CLOCK: variants seen among roughly 807,000 people sequenced by gnomAD.
CLOCK encodes the protein clock circadian regulator, also known as circadian locomoter output cycles protein kaput.
CLOCK carries 43 observed loss-of-function variants against 118.4 expected under a neutral mutation model. The ratio of observed to expected loss-of-function variants is 0.36; its 90% CI spans 0.28 to 0.47. The LOEUF is 0.47. CLOCK is among the 20% of genes least tolerant of loss of function. The pLI, the probability that CLOCK is intolerant of heterozygous loss-of-function variation, is 1.00. For synonymous variants in CLOCK, 326 were observed against 339.2 expected (o/e 0.96, Z 0.43); for missense variants, 846 against 999.9 (o/e 0.85, Z 2.08).
intron 3 of CLOCK, 126 bp downstream of exon 3, chr4:55,489,248 T>TTTTTTAAATTTTA (rs1459518340): frequency 6.6e-6 from 1 of 152,230 alleles, no homozygotes; most frequent in Non-Finnish European, 1.5e-5. Flanking sequence ...GGTGGTAAAT[T>TTTTTTAAATTTTA]AACACACAAA....
chr4:55,502,279 C>G (rs1728494278), intron 2 of CLOCK, among the ~76,000 whole-genome samples: 1 of 152,106 alleles, frequency 6.6e-6, no homozygotes, highest in African/African-American at 2.4e-5. Context: ...CAAGGTAATT[C>G]TGAAGAACAA....
chr4:55,530,685 G>C (rs980275849), intron 1 of CLOCK, among the ~76,000 whole-genome samples: 12 of 140,464 alleles, frequency 8.5e-5, no homozygotes, highest in Non-Finnish European at 1.7e-4. Context: ...TGAAGCAGAA[G>C]AATCAGCTGA....
Position 55,434,446 on chromosome 4 carries a change from T to C in CLOCK, c.*969A>G, listed in dbSNP as rs1722729340. ...CCATTTACGCAAATATTTCCAACTATGAACTATAACAAAATATGCAATCAA... is the reference window on the plus strand; with the variant it reads ...CCATTTACGCAAATATTTCCAACTACGAACTATAACAAAATATGCAATCAA... On this transcript the variant is annotated 3_prime_UTR_variant, in exon 23 of 23. Transcript: ENST00000513440. The C allele has an allele frequency of 6.6e-6, 1 of 152,614 alleles. No individual in the cohort carries two copies. The highest frequency in any genetic ancestry group is 2.4e-5 in the African/African-American group (1 of 41,456). The allele number at this position is 152,614 out of a possible 1,614,324, so 9.5% of individuals were successfully genotyped here. A position where few individuals can be genotyped will look rare whatever the true frequency, so the allele number is the denominator to read the frequency against.
intron 18 of CLOCK, among the ~76,000 whole-genome samples, chr4:55,445,141 G>A (rs1252621632): frequency 1.5e-5 from 1 of 68,198 alleles, no homozygotes; most frequent in Non-Finnish European, 3.6e-5. Flanking sequence ...CATATGATAT[G>A]GTCTGGTTAT....
chr4:55,435,649 T>C (rs1560409518), intron 22 of CLOCK, 55 bp from the exon 23 acceptor site: 7 of 1,559,146 alleles, frequency 4.5e-6, no homozygotes, highest in Non-Finnish European at 6.2e-6. Flanking sequence ...GGCACCCACA[T>C]AATAGTTACT....
Position 55,453,840 on chromosome 4 carries a change from A to G in CLOCK, c.983-16T>C. The G allele has an allele frequency of 6.4e-6, 10 of 1,562,468 alleles. No individual in the cohort carries two copies. Among genetic ancestry groups the G allele is most frequent in the Non-Finnish European group, 8.8e-6 (10 of 1,142,794 alleles). ...TATTGCATTACTAAAAGGAAAATAG[A>G]GAAATATTTTTTCTTTAATTCATAT... On this transcript the variant is annotated splice_polypyrimidine_tract_variant and intron_variant, in intron 13 of 22. Transcript: ENST00000513440.
chr4:55,468,490 C>T (rs1272709137), intron 8 of CLOCK, among the ~76,000 whole-genome samples: 1 of 152,126 alleles, frequency 6.6e-6, no homozygotes, highest in Non-Finnish European at 1.5e-5. Flanking sequence ...ACAAAATATA[C>T]TTTTCTAATT....
intron 1 of CLOCK, among the ~76,000 whole-genome samples, chr4:55,534,756 C>CTAATGGTGCTT (rs763079686): frequency 7.5e-6 from 1 of 134,176 alleles, no homozygotes. Flanking sequence ...TAAAGGTATA[C>CTAATGGTGCTT]TAAAAGACTT....
chr4:55,538,174 T>C (rs1405617613), intron 1 of CLOCK, among the ~76,000 whole-genome samples: 1 of 152,204 alleles, frequency 6.6e-6, no homozygotes, highest in African/African-American at 2.4e-5. Flanking sequence ...TAGAGTATTA[T>C]AAGCAACTTT....
intron 3 of CLOCK, among the ~76,000 whole-genome samples, chr4:55,488,902 T>C (rs1028097811): frequency 3.3e-5 from 5 of 152,038 alleles, no homozygotes; most frequent in Non-Finnish European, 2.9e-5. Flanking sequence ...CCAGCTAATT[T>C]CTAAATTTTT....
chr4:55,447,947 T>G (rs1451445455), intron 18 of CLOCK, among the ~76,000 whole-genome samples: 3 of 152,174 alleles, frequency 2.0e-5, no homozygotes, highest in Non-Finnish European at 2.9e-5. Context: ...AAATTACAAG[T>G]TGGGAAGTTA....
In CLOCK at chr4:55,450,087, T is replaced by G. The variant is rs1724283838; in HGVS notation, c.1348+4A>C. The G allele has an allele frequency of 2.5e-6, 4 of 1,614,118 alleles. No homozygotes were observed. Among genetic ancestry groups the G allele is most frequent in the Non-Finnish European group, 3.4e-6 (4 of 1,179,986 alleles). ...GAAGTCTGCTTTGAAGCAAGGGTACTCACAGGAAGGGTCTGAGACGGCCGT... is the reference window on the plus strand; with the variant it reads ...GAAGTCTGCTTTGAAGCAAGGGTACGCACAGGAAGGGTCTGAGACGGCCGT... On this transcript the variant is annotated splice_donor_region_variant and intron_variant, in intron 16 of 22. Transcript: ENST00000513440.
At chr4:55,466,968 G>T (rs1333060085) in intron 8 of CLOCK, among the ~76,000 whole-genome samples, 1 of 152,192 alleles carries the variant, frequency 6.6e-6, no homozygotes, top group Non-Finnish European at 1.5e-5. Flanking sequence ...TTACCATTTA[G>T]TGATTGGATG....
intron 2 of CLOCK, among the ~76,000 whole-genome samples, chr4:55,503,677 T>C (rs1728577188): frequency 6.6e-6 from 1 of 152,208 alleles, no homozygotes; most frequent in Non-Finnish European, 1.5e-5. Context: ...GTTATTTGAC[T>C]ATGAAATTAA....
In CLOCK at chr4:55,434,135, A is replaced by T. The variant is rs1722707535; in HGVS notation, c.*1280T>A. 1 of 152,656 alleles carries T rather than the reference A, an allele frequency of 6.6e-6. No individual in the cohort carries two copies. Among genetic ancestry groups the T allele is most frequent in the Non-Finnish European group, 1.5e-5 (1 of 68,050 alleles). 9.5% of individuals were successfully genotyped at this position (152,656 alleles called of 1,614,324 possible). A position where few individuals can be genotyped will look rare whatever the true frequency, so the allele number is the denominator to read the frequency against. ...CCCACATGCTGTTAAAAAGGTACTAAGGTTTCAAAACTGCTACGGAAACCG... is the reference window on the plus strand; with the variant it reads ...CCCACATGCTGTTAAAAAGGTACTATGGTTTCAAAACTGCTACGGAAACCG... On this transcript the variant is annotated 3_prime_UTR_variant, in exon 23 of 23. Transcript: ENST00000513440.
rs796703296 is a variant in CLOCK, at chr4:55,542,370, A to T, written c.-290+4412T>A. Among the ~76,000 whole-genome samples, 1,016 of 109,622 alleles carry T rather than the reference A, an allele frequency of 9.3e-3. 5 individuals are homozygous for T. Among genetic ancestry groups the T allele is most frequent in the South Asian group, 0.025 (79 of 3,172 alleles). The allele number at this position is 109,622 out of a possible 152,430, so 71.9% of individuals were successfully genotyped here. A position where few individuals can be genotyped will look rare whatever the true frequency, so the allele number is the denominator to read the frequency against. On this transcript the variant is annotated intron_variant, in intron 1 of 22. Coordinates refer to ENST00000513440, the MANE Select transcript of CLOCK (RefSeq NM_004898.4). ...AATAATAATAATAATAATAATAATA[A>T]TAATAATAATATTATTATTATTATT...
At chr4:55,538,285 A>G (rs1731037993) in intron 1 of CLOCK, among the ~76,000 whole-genome samples, 1 of 152,240 alleles carries the variant, frequency 6.6e-6, no homozygotes, top group Non-Finnish European at 1.5e-5. Flanking sequence ...ACCAATAACC[A>G]ACAGAAAAAC....
chr4:55,479,712 GGATA>G lies in CLOCK; in HGVS notation c.48-17_48-14del, dbSNP rs1726785515. ...ACTACTGTCATCTCTAAAAGAAAGC[GGATA>G]GAGAAAGTAAGAGCAGACTCACTAA... is the stretch of plus-strand genomic sequence containing the variant. On this transcript the variant is annotated splice_polypyrimidine_tract_variant and intron_variant, in intron 4 of 22. Coordinates refer to ENST00000513440, the MANE Select transcript of CLOCK (RefSeq NM_004898.4). 2 of 1,610,336 alleles carry G rather than the reference GGATA, an allele frequency of 1.2e-6. No individual in the cohort carries two copies. Among genetic ancestry groups the G allele is most frequent in the Non-Finnish European group, 1.7e-6 (2 of 1,177,056 alleles).
intron 1 of CLOCK, among the ~76,000 whole-genome samples, chr4:55,512,337 T>C (rs927239847): frequency 5.9e-5 from 9 of 152,168 alleles, no homozygotes; most frequent in Admixed American, 1.3e-4. Context: ...ACAGATGATA[T>C]AGTGCATCTT....
Sources: gnomAD v4.1 joint callset for allele counts (sites outside exome capture counted in the v4.1 genomes callset) on GRCh38, gnomAD v4.1.1 for gene constraint, MANE v1.5 for transcripts, NCBI Gene and HGNC (gene_info 2026-07-23, HGNC 2026-07-21) for gene names.